Variants in OSBPL1A observed in about 807,000 individuals in gnomAD.
The protein encoded by OSBPL1A is oxysterol binding protein like 1A.
In OSBPL1A, 80 loss-of-function variants were observed where a neutral mutation model predicts 137.1. The ratio of observed to expected loss-of-function variants is 0.58; its 90% confidence interval spans 0.49 to 0.70. The LOEUF (loss-of-function observed/expected upper bound fraction) is 0.70, where lower values mean the gene tolerates loss of function less well. OSBPL1A is among the 30% of genes least tolerant of loss of function. OSBPL1A has a pLI of 0.00. For missense variants in OSBPL1A, 970 were observed against 1,129.4 expected, an observed-to-expected ratio of 0.86 and a Z score of 2.02; for synonymous variants, 365 against 389.7, an observed-to-expected ratio of 0.94 and a Z score of 0.75.
chr18:24,351,509 G>A (rs183557823), intron 4 of OSBPL1A, among the ~76,000 whole-genome samples: 157 of 151,106 alleles, frequency 1.0e-3, no homozygotes, highest in African/African-American at 3.7e-3. Context: ...ACTAAACTAA[G>A]AAACCCCATG....
At chr18:24,317,432 T>C in intron 9 of OSBPL1A, 32 bp from the exon 10 acceptor site, 1 of 1,523,240 alleles carries the variant, frequency 6.6e-7, no homozygotes, top group Non-Finnish European at 9.1e-7. Flanking sequence ...TTTCCCAAGC[T>C]GACACATCTA....
chr18:24,355,165 A>G (rs1227726056), intron 4 of OSBPL1A, among the ~76,000 whole-genome samples: 2 of 151,632 alleles, frequency 1.3e-5, no homozygotes, highest in African/African-American at 4.9e-5. Flanking sequence ...AAGCCCTTCC[A>G]TGGCATTTAA....
intron 17 of OSBPL1A, 141 bp downstream of exon 17, chr18:24,224,901 T>C: frequency 9.1e-7 from 1 of 1,104,328 alleles, no homozygotes; most frequent in Non-Finnish European, 1.3e-6. Context: ...AGTGCTTAAG[T>C]TAAATGCTTT....
chr18:24,274,672 C>T (rs2089803862), intron 15 of OSBPL1A, among the ~76,000 whole-genome samples: 1 of 152,116 alleles, frequency 6.6e-6, no homozygotes, highest in Non-Finnish European at 1.5e-5. Flanking sequence ...CTCTGGGAGG[C>T]CAAGGCGAGT....
chr18:24,231,576 C>T (rs961539251), intron 16 of OSBPL1A, among the ~76,000 whole-genome samples: 1 of 152,206 alleles, frequency 6.6e-6, no homozygotes, highest in Non-Finnish European at 1.5e-5. Context: ...GTGTAAGCCA[C>T]TGCACCTGCT....
In OSBPL1A at chr18:24,318,780, C is replaced by G; in HGVS notation, c.655G>C (p.Ala219Pro). Residue 219 changes from alanine (A) to proline (P), a missense_variant, in exon 8 of 28, where the codon GCT (alanine) becomes CCT (proline). By Grantham distance (27) the Ala-to-Pro change is conservative. Coordinates refer to ENST00000319481, the MANE Select transcript of OSBPL1A (RefSeq NM_080597.4). Reference protein sequence around the residue: ...DQKPLDLAQGAEMKHILVGNK... With the variant: ...DQKPLDLAQGPEMKHILVGNK... ...CCAACAAGAATGTGTTTCATTTCAG[C>G]ACCCTGGGCAAGGTCAAGAGGTTTC... The G allele has an allele frequency of 6.2e-7, 1 of 1,613,484 alleles. No individual in the cohort carries two copies. Among genetic ancestry groups the G allele is most frequent in the African/African-American group, 1.3e-5 (1 of 75,028 alleles).
chr18:24,234,521 T>A (rs971009318), intron 16 of OSBPL1A, among the ~76,000 whole-genome samples: 38 of 147,886 alleles, frequency 2.6e-4, no homozygotes, highest in African/African-American at 9.0e-4. Flanking sequence ...TCTCAAGCGA[T>A]CCCAGGGGGG....
intron 18 of OSBPL1A, among the ~76,000 whole-genome samples, chr18:24,193,757 T>G (rs2086953232): frequency 1.3e-5 from 2 of 152,218 alleles, no homozygotes; most frequent in African/African-American, 4.8e-5. Context: ...CCTGAAGCTC[T>G]CTCTCTATGC....
At position 24,321,726 on chromosome 18, in the gene OSBPL1A, T is replaced by C. The variant is rs991776304; in HGVS notation, c.626-2917A>G. ...CTTCCCAGAATTGGGAAAAGCTGGG[T>C]TGAGAGGGTAAGAAAAGAAAAACAA... On this transcript the variant is annotated intron_variant, in intron 7 of 27. Transcript: ENST00000319481. 1.4e-5 allele frequency: 7 copies of C among 515,696 alleles called. No homozygotes were observed. The African/African-American group carries it at 1.4e-4, about 10-fold the overall frequency. The allele number at this position is 515,696 out of a possible 1,614,324, so 31.9% of individuals were successfully genotyped here.
chr18:24,367,949 G>A (rs1190562779), intron 3 of OSBPL1A: 1 of 167,522 alleles, frequency 6.0e-6, no homozygotes, highest in East Asian at 1.6e-4. Context: ...TTTTATTTGT[G>A]TATTGACATT....
At chr18:24,267,336 G>GA (rs1423094559) in intron 15 of OSBPL1A, among the ~76,000 whole-genome samples, 3 of 151,822 alleles carry the variant, frequency 2.0e-5, no homozygotes, top group Non-Finnish European at 4.4e-5. Flanking sequence ...AGATAAGGTG[G>GA]TTTTATAAGA....
intron 18 of OSBPL1A, among the ~76,000 whole-genome samples, chr18:24,190,755 C>T (rs1045389530): frequency 1.3e-5 from 2 of 152,232 alleles, no homozygotes; most frequent in South Asian, 4.1e-4. Flanking sequence ...CCGCATCTAT[C>T]TTAGAGTTGG....
At chr18:24,276,870 A>T (rs1462250983) in intron 15 of OSBPL1A, among the ~76,000 whole-genome samples, 1 of 152,238 alleles carries the variant, frequency 6.6e-6, no homozygotes, top group African/African-American at 2.4e-5. Context: ...AAACACCCAC[A>T]TACCACAGAA....
intron 4 of OSBPL1A, among the ~76,000 whole-genome samples, chr18:24,355,167 G>A (rs2091511170): frequency 6.6e-6 from 1 of 151,796 alleles, no homozygotes; most frequent in Admixed American, 6.6e-5. Flanking sequence ...GCCCTTCCAT[G>A]GCATTTAATT....
intron 17 of OSBPL1A, among the ~76,000 whole-genome samples, chr18:24,198,863 G>T (rs887118606): frequency 4.2e-5 from 6 of 141,664 alleles, no homozygotes; most frequent in Admixed American, 2.1e-4. Flanking sequence ...TTTTTTTGTT[G>T]TTTTTTTTTT....
chr18:24,302,652 C>G (rs2090425111), intron 14 of OSBPL1A: 1 of 152,152 alleles, frequency 6.6e-6, no homozygotes, highest in African/African-American at 2.4e-5. Flanking sequence ...GAACTCCTGA[C>G]CTCAGGTGAT....
chr18:24,316,827 A>C (rs541349573), intron 11 of OSBPL1A, among the ~76,000 whole-genome samples: 100 of 152,276 alleles, frequency 6.6e-4, no homozygotes, highest in African/African-American at 2.2e-3. Context: ...TAATAGCAAA[A>C]TACACATTCT....
At chr18:24,310,046 CAAA>C (rs56309417) in intron 13 of OSBPL1A, among the ~76,000 whole-genome samples, 1 of 90,608 alleles carries the variant, frequency 1.1e-5, no homozygotes. Flanking sequence ...GACTCTGTCT[CAAA>C]AAAAAAAAAA....
intron 17 of OSBPL1A, among the ~76,000 whole-genome samples, chr18:24,221,501 TTC>T (rs546455983): frequency 7.2e-4 from 109 of 152,362 alleles, no homozygotes; most frequent in African/African-American, 2.4e-3. Context: ...CCTATCATAT[TTC>T]TGTTATAAAA....
Sources: gnomAD v4.1 joint callset for allele counts (sites outside exome capture counted in the v4.1 genomes callset) on GRCh38, gnomAD v4.1.1 for gene constraint, MANE v1.5 for transcripts, NCBI Gene and HGNC (gene_info 2026-07-23, HGNC 2026-07-21) for gene names.